The following PCDHA10 variants were observed in gnomAD, a reference collection of about 807,000 sequenced individuals.
PCDHA10 encodes protocadherin alpha 10, also known as protocadherin alpha-10.
PCDHA10 carries 45 observed loss-of-function variants against 61.2 expected under a neutral mutation model. The observed-to-expected ratio is 0.74, with a 90% confidence interval of 0.58 to 0.94. PCDHA10 has a LOEUF of 0.94. Among genes scored for constraint, PCDHA10 ranks in the 40% least tolerant of loss-of-function variants. The pLI is 0.00. For synonymous variants in PCDHA10, 602 were observed against 548.8 expected, an observed-to-expected ratio of 1.10 and a Z score of -1.35; for missense variants, 1,278 against 1,236.2, an observed-to-expected ratio of 1.03 and a Z score of -0.51.
chr5:140,956,315 A>G (rs246013), intron 1 of PCDHA10, among the ~76,000 whole-genome samples: 85,586 of 151,908 alleles, frequency 0.56, 24,725 homozygotes, highest in African/African-American at 0.69. Flanking sequence ...TTATTTTGAG[A>G]TATGTTCCTT....
At chr5:140,886,405 GT>G (rs2060969795) in intron 1 of PCDHA10, among the ~76,000 whole-genome samples, 1 of 151,966 alleles carries the variant, frequency 6.6e-6, no homozygotes, top group Admixed American at 6.6e-5. Context: ...TCACAAATAT[GT>G]TTTCCTCCTA....
chr5:140,953,410 G>A (rs1328809858), intron 1 of PCDHA10, among the ~76,000 whole-genome samples: 5 of 152,042 alleles, frequency 3.3e-5, no homozygotes, highest in Non-Finnish European at 5.9e-5. Flanking sequence ...GTTGCTCCTG[G>A]CTCCTCCCCT....
At chr5:141,003,087 G>A (rs894210434) in intron 3 of PCDHA10, among the ~76,000 whole-genome samples, 4 of 152,198 alleles carry the variant, frequency 2.6e-5, no homozygotes, top group Non-Finnish European at 5.9e-5. Flanking sequence ...AGTTTAACAG[G>A]CCTGGCATTT....
rs782468153 is a variant in PCDHA10, at chr5:140,858,011, G to A, written c.1963G>A (p.Glu655Lys). ...ACTGGTGCTGGTGAAGGACCATGGCGAGCCGTCGCTGACGGCCACGGCCAC... is the reference window on the plus strand; with the variant it reads ...ACTGGTGCTGGTGAAGGACCATGGCAAGCCGTCGCTGACGGCCACGGCCAC... The part of the protein sequence containing the change: ...RLLVLVKDHG[E>K]PSLTATATVL... Residue 655 changes from glutamate (E) to lysine (K), a missense_variant, in exon 1 of 4, where the codon GAG (glutamate) becomes AAG (lysine). Transcript: ENST00000307360. 1.1e-5 allele frequency: 18 copies of A among 1,596,704 alleles called. 1 individual carries two copies. Among genetic ancestry groups the A allele is most frequent in the Non-Finnish European group, 1.5e-5 (17 of 1,167,106 alleles).
intron 1 of PCDHA10, chr5:140,871,083 C>A: frequency 1.1e-5 from 18 of 1,613,186 alleles, no homozygotes; most frequent in Non-Finnish European, 1.4e-5. Flanking sequence ...CGCTGACGGC[C>A]ACGGCCACCG....
chr5:140,855,953 TA>T lies in PCDHA10; in HGVS notation c.-90del. 1 of 1,381,088 alleles carries T rather than the reference TA, an allele frequency of 7.2e-7. No homozygotes were observed. The highest frequency in any genetic ancestry group is 9.9e-7 in the Non-Finnish European group (1 of 1,013,106). 85.6% of individuals were successfully genotyped at this position (1,381,088 alleles called of 1,614,324 possible). On this transcript the variant is annotated 5_prime_UTR_variant, in exon 1 of 4. Coordinates refer to ENST00000307360, the MANE Select transcript of PCDHA10 (RefSeq NM_018901.4). The stretch of plus-strand genomic sequence containing the variant: ...CATTCTGAGATCTCAGCCATTTCGA[TA>T]AAAAATAGATATAAGAAATAGGACA...
chr5:140,905,843 T>C (rs1554192236), intron 1 of PCDHA10, among the ~76,000 whole-genome samples: 1 of 152,126 alleles, frequency 6.6e-6, no homozygotes, highest in South Asian at 2.1e-4. Flanking sequence ...GGGAGTTTAT[T>C]AAGGAGTATT....
At chr5:140,937,198 C>T (rs2091402998) in intron 1 of PCDHA10, among the ~76,000 whole-genome samples, 1 of 151,908 alleles carries the variant, frequency 6.6e-6, no homozygotes, top group Non-Finnish European at 1.5e-5. Context: ...CCACCATGCC[C>T]GGCTAATTTT....
chr5:140,995,800 A>G (rs180764210), intron 3 of PCDHA10, among the ~76,000 whole-genome samples: 3 of 152,282 alleles, frequency 2.0e-5, no homozygotes, highest in Non-Finnish European at 2.9e-5. Context: ...GTCTCATGTT[A>G]GTTTCTGAAG....
chr5:140,959,622 A>T (rs1489618654), intron 1 of PCDHA10, among the ~76,000 whole-genome samples: 1 of 152,194 alleles, frequency 6.6e-6, no homozygotes, highest in Admixed American at 6.5e-5. Flanking sequence ...TTGTGATAGA[A>T]AAAAAGAGAG....
intron 1 of PCDHA10, chr5:140,877,311 G>C (rs200978234): frequency 6.3e-5 from 101 of 1,613,852 alleles, no homozygotes; most frequent in Non-Finnish European, 7.9e-5. Context: ...AGTTGCAACC[G>C]GCGGCGGTCG....
At chr5:140,980,409 A>C (rs782265012) in intron 2 of PCDHA10, among the ~76,000 whole-genome samples, 3 of 152,188 alleles carry the variant, frequency 2.0e-5, no homozygotes, top group Non-Finnish European at 4.4e-5. Flanking sequence ...AGGTGGGCAG[A>C]TCATGAGGTC....
chr5:141,010,124 G>A lies in PCDHA10; in HGVS notation c.*187G>A. ...GGTTTTGTCGTAAAAGCTTTACTAAGTCTGGTGTTAACTCTTTCTCTCCAC... is the reference window on the plus strand; with the variant it reads ...GGTTTTGTCGTAAAAGCTTTACTAAATCTGGTGTTAACTCTTTCTCTCCAC... On this transcript the variant is annotated 3_prime_UTR_variant, in exon 4 of 4. Coordinates refer to ENST00000307360, the MANE Select transcript of PCDHA10 (RefSeq NM_018901.4). The A allele has an allele frequency of 1.2e-6, 2 of 1,605,172 alleles. No homozygotes were observed. The highest frequency in any genetic ancestry group is 1.7e-6 in the Non-Finnish European group (2 of 1,175,146).
intron 1 of PCDHA10, chr5:140,875,168 G>A (rs1554167513): frequency 5.5e-6 from 2 of 364,784 alleles, no homozygotes; most frequent in African/African-American, 4.2e-5. Flanking sequence ...ACCCAAAGTC[G>A]AAACATTAGA....
At chr5:140,980,623 T>C (rs1554242045) in intron 2 of PCDHA10, among the ~76,000 whole-genome samples, 1 of 152,102 alleles carries the variant, frequency 6.6e-6, no homozygotes, top group African/African-American at 2.4e-5. Flanking sequence ...TGCGAGACTC[T>C]GTCTCAGAAG....
At chr5:140,884,381 T>C in intron 1 of PCDHA10, 2 of 1,613,986 alleles carry the variant, frequency 1.2e-6, no homozygotes, top group Non-Finnish European at 1.7e-6. Flanking sequence ...CATTGCCATC[T>C]GCGCGGTGTC....
intron 1 of PCDHA10, chr5:140,869,336 A>G (rs781863950): frequency 6.2e-7 from 1 of 1,613,984 alleles, no homozygotes; most frequent in Admixed American, 1.7e-5. Flanking sequence ...CTGGAGGTAA[A>G]TCTGCAGAAT....
intron 1 of PCDHA10, chr5:140,875,896 G>C (rs1183868015): frequency 6.2e-7 from 1 of 1,614,078 alleles, no homozygotes; most frequent in African/African-American, 1.3e-5. Context: ...AAAGGTACCT[G>C]TTTCTGAATC....
chr5:140,990,189 A>C (rs2097379694), intron 3 of PCDHA10, among the ~76,000 whole-genome samples: 1 of 152,218 alleles, frequency 6.6e-6, no homozygotes, highest in Non-Finnish European at 1.5e-5. Flanking sequence ...TAAGAACCAA[A>C]TGTGGACCCG....
Sources: gnomAD v4.1 joint callset for allele counts (sites outside exome capture counted in the v4.1 genomes callset) on GRCh38, gnomAD v4.1.1 for gene constraint, MANE v1.5 for transcripts, NCBI Gene and HGNC (gene_info 2026-07-23, HGNC 2026-07-21) for gene names.